Variants in PCDHB13 observed in about 807,000 individuals in gnomAD.
The protein encoded by PCDHB13 is protocadherin beta-13.
For missense variants in PCDHB13, 1,065 were observed against 1,016.7 expected, an observed-to-expected ratio of 1.05 and a Z score of -0.65; for synonymous variants, 515 against 450.7, an observed-to-expected ratio of 1.14 and a Z score of -1.81.
Position 141,216,723 on chromosome 5 carries a change from G to T in PCDHB13, c.*203G>T. 1.5e-6 allele frequency: 1 copy of T among 676,614 alleles called. No individual in the cohort carries two copies. The allele number at this position is 676,614 out of a possible 1,614,324, so 41.9% of individuals were successfully genotyped here. A position where few individuals can be genotyped will look rare whatever the true frequency, so the allele number is the denominator to read the frequency against. Reference sequence around the variant, plus strand: ...TGACAATTCATTCTTTAACCCAGATGGTCTTAATTTGTAATTAATTTGCCT... The same window carrying T: ...TGACAATTCATTCTTTAACCCAGATTGTCTTAATTTGTAATTAATTTGCCT... On this transcript the variant is annotated 3_prime_UTR_variant, in exon 1 of 1. Coordinates refer to ENST00000341948, the MANE Select transcript of PCDHB13 (RefSeq NM_018933.4).
Position 141,216,898 on chromosome 5 carries a change from G to T in PCDHB13, c.*378G>T. The T allele has an allele frequency of 1.3e-5, 4 of 314,962 alleles. No individual in the cohort carries two copies. The highest frequency in any genetic ancestry group is 2.3e-5 in the African/African-American group (1 of 43,972). 19.5% of individuals were successfully genotyped at this position (314,962 alleles called of 1,614,324 possible). A position where few individuals can be genotyped will look rare whatever the true frequency, so the allele number is the denominator to read the frequency against. ...TTCTTCATTTGATTCTCTTTTTTTAGTCTTAAAATAATGACTCCTATTCAG... is the reference window on the plus strand; with the variant it reads ...TTCTTCATTTGATTCTCTTTTTTTATTCTTAAAATAATGACTCCTATTCAG... On this transcript the variant is annotated 3_prime_UTR_variant, in exon 1 of 1. Coordinates refer to ENST00000341948, the MANE Select transcript of PCDHB13 (RefSeq NM_018933.4).
rs782638665 is a variant in PCDHB13 at position 141,215,782 on chromosome 5, C to T, written c.1659C>T (p.Asp553=). ...CGCTGGTGCGCGTGGTGGTGCTGGA[C>T]GCCAACGACAACTCGCCCTTCGTGC... ...SEALVRVVVL[D]ANDNSPFVLY... The change falls in exon 1 of 1, where the codon GAC becomes GAT. Residue 553 remains aspartate (D), a synonymous_variant. Coordinates refer to ENST00000341948, the MANE Select transcript of PCDHB13 (RefSeq NM_018933.4). 1.9e-6 allele frequency: 3 copies of T among 1,611,744 alleles called. No homozygotes were observed. Among genetic ancestry groups the T allele is most frequent in the Non-Finnish European group, 2.5e-6 (3 of 1,179,710 alleles).
In PCDHB13 at chr5:141,215,638, C is replaced by A; in HGVS notation, c.1515C>A (p.Ser505=). Residue 505 remains serine, a synonymous_variant, in exon 1 of 1, where the codon TCC becomes TCA. Coordinates refer to ENST00000341948, the MANE Select transcript of PCDHB13 (RefSeq NM_018933.4). ...ACCTGCCCCTCACATCCCTGGTCTC[C>A]ATCAACGCGGACAACGGCCACCTGT... ...DPHLPLTSLV[S]INADNGHLFA... 1.2e-6 allele frequency: 2 copies of A among 1,613,482 alleles called. No homozygotes were observed. Among genetic ancestry groups the A allele is most frequent in the South Asian group, 2.2e-5 (2 of 91,036 alleles).
At position 141,214,765 on chromosome 5, in the gene PCDHB13, A is replaced by C; in HGVS notation, c.642A>C (p.Thr214=). ...AAGCTGAGCTCAGGTTAACACTCAC[A>C]GCACTGGATGGTGGCTCTCCGCCCA... is the stretch of plus-strand genomic sequence containing the variant. ...EEEAELRLTL[T]ALDGGSPPRS... is the part of the protein sequence containing the mutation. The change falls in exon 1 of 1, where the codon ACA becomes ACC. Residue 214 remains threonine (T), a synonymous_variant. Coordinates refer to ENST00000341948, the MANE Select transcript of PCDHB13 (RefSeq NM_018933.4). 2 of 1,614,172 alleles carry C rather than the reference A, an allele frequency of 1.2e-6. No individual in the cohort carries two copies. Among genetic ancestry groups the C allele is most frequent in the Non-Finnish European group, 1.7e-6 (2 of 1,180,010 alleles).
rs782706531 is a variant in PCDHB13 at position 141,215,496 on chromosome 5, T to C, written c.1373T>C (p.Leu458Pro). ...GCCTTCACCCAAACCTCCTACACCC[T>C]GTTCGTCCGCGAGAACAACAGCCCC... ...APAFTQTSYTLFVRENNSPAL... is the reference protein window; with the variant it reads ...APAFTQTSYTPFVRENNSPAL... Residue 458 changes from leucine (L) to proline (P), a missense_variant, in exon 1 of 1, where the codon CTG becomes CCG. Coordinates refer to ENST00000341948, the MANE Select transcript of PCDHB13 (RefSeq NM_018933.4). 1.8e-5 allele frequency: 29 copies of C among 1,614,062 alleles called. No individual in the cohort carries two copies. Among genetic ancestry groups the C allele is most frequent in the Admixed American group, 3.3e-5 (2 of 60,004 alleles).
rs1754582056 is a variant in PCDHB13 at position 141,215,666 on chromosome 5, G to A, written c.1543G>A (p.Ala515Thr). 1.9e-6 allele frequency: 3 copies of A among 1,613,318 alleles called. No homozygotes were observed. The highest frequency in any genetic ancestry group is 1.1e-5 in the South Asian group (1 of 91,030). Residue 515 changes from alanine (A) to threonine (T), a missense_variant, in exon 1 of 1, where the codon GCC (alanine) becomes ACC (threonine). Physicochemically the swap from Ala to Thr is moderately conservative, Grantham distance 58 (BLOSUM62 0). Transcript: ENST00000341948. ...CAACGCGGACAACGGCCACCTGTTC[G>A]CCCTCAGGTCTCTGGACTACGAGGC... The part of the protein sequence containing the change: ...SINADNGHLF[A>T]LRSLDYEALQ...
At position 141,215,408 on chromosome 5, in the gene PCDHB13, C is replaced by A; in HGVS notation, c.1285C>A (p.Pro429Thr). 6.2e-7 allele frequency: 1 copy of A among 1,614,162 alleles called. No individual in the cohort carries two copies. Among genetic ancestry groups the A allele is most frequent in the Non-Finnish European group, 8.5e-7 (1 of 1,180,026 alleles). The stretch of plus-strand genomic sequence containing the variant: ...TATCACTGTCACTGACTTGGGGACC[C>A]CTATGCTGATAACACAGCTCAATAT... The part of the protein sequence containing the change: ...ITITVTDLGT[P>T]MLITQLNMTV... The change falls in exon 1 of 1, where the codon CCT (proline) becomes ACT (threonine). Residue 429 changes from proline to threonine, a missense_variant. Transcript: ENST00000341948.
Position 141,215,434 on chromosome 5 carries a change from G to C in PCDHB13, c.1311G>C (p.Met437Ile). ...CTATGCTGATAACACAGCTCAATAT[G>C]ACCGTGCTGATCGCCGATGTCAATG... ...GTPMLITQLN[M>I]TVLIADVNDN... is the part of the protein sequence containing the mutation. Residue 437 changes from methionine to isoleucine, a missense_variant, in exon 1 of 1, where the codon ATG (methionine) becomes ATC (isoleucine). Met to Ile is a conservative substitution (Grantham distance 10, BLOSUM62 1). Transcript: ENST00000341948. 1 of 1,614,122 alleles carries C rather than the reference G, an allele frequency of 6.2e-7. No homozygotes were observed. The highest frequency in any genetic ancestry group is 8.5e-7 in the Non-Finnish European group (1 of 1,180,032).
Position 141,215,415 on chromosome 5 carries a change from T to C in PCDHB13, c.1292T>C (p.Leu431Pro). The C allele has an allele frequency of 6.2e-7, 1 of 1,614,180 alleles. No homozygotes were observed. The highest frequency in any genetic ancestry group is 1.6e-4 in the Middle Eastern group (1 of 6,062). ...GTCACTGACTTGGGGACCCCTATGC[T>C]GATAACACAGCTCAATATGACCGTG... ...ITVTDLGTPMLITQLNMTVLI... is the reference protein window; with the variant it reads ...ITVTDLGTPMPITQLNMTVLI... Residue 431 changes from leucine (L) to proline (P), a missense_variant, in exon 1 of 1, where the codon CTG (leucine) becomes CCG (proline). Leu to Pro is a moderately conservative substitution (Grantham distance 98, BLOSUM62 -3). Coordinates refer to ENST00000341948, the MANE Select transcript of PCDHB13 (RefSeq NM_018933.4).
Position 141,217,031 on chromosome 5 carries a change from C to T in PCDHB13, c.*511C>T, listed in dbSNP as rs138055555. On this transcript the variant is annotated 3_prime_UTR_variant, in exon 1 of 1. Transcript: ENST00000341948. The stretch of plus-strand genomic sequence containing the variant: ...AAAACCTATATCCTATGATACAACT[C>T]TAAGTGTTATCACTTGATTCGAAAG... 1.6e-4 allele frequency: 34 copies of T among 210,126 alleles called. No homozygotes were observed. The East Asian group carries it at 5.7e-3, about 35-fold the overall frequency. 13.0% of individuals were successfully genotyped at this position (210,126 alleles called of 1,614,324 possible). A position where few individuals can be genotyped will look rare whatever the true frequency, so the allele number is the denominator to read the frequency against.
chr5:141,214,919 T>C lies in PCDHB13; in HGVS notation c.796T>C (p.Ser266Pro). ...SPVGFLVVKVSATDVDTGVNG... is the reference protein window; with the variant it reads ...SPVGFLVVKVPATDVDTGVNG... The stretch of plus-strand genomic sequence containing the variant: ...GGTAGGCTTCCTGGTTGTGAAGGTC[T>C]CTGCCACGGATGTAGACACAGGAGT... Residue 266 changes from serine to proline, a missense_variant, in exon 1 of 1, where the codon TCT (serine) becomes CCT (proline). Physicochemically the swap from Ser to Pro is moderately conservative, Grantham distance 74. Transcript: ENST00000341948. 1.2e-6 allele frequency: 2 copies of C among 1,614,252 alleles called. No individual in the cohort carries two copies. The highest frequency in any genetic ancestry group is 1.7e-6 in the Non-Finnish European group (2 of 1,180,048).
rs782236372 is a variant in PCDHB13, at chr5:141,216,357, T to C, written c.2234T>C (p.Leu745Pro). Residue 745 changes from leucine to proline, a missense_variant, in exon 1 of 1, where the codon CTA becomes CCA. Coordinates refer to ENST00000341948, the MANE Select transcript of PCDHB13 (RefSeq NM_018933.4). The part of the protein sequence containing the change: ...HLVDMSGTRT[L>P]SQSYQYEVCL... ...GTGGACATGAGCGGCACCAGGACCC[T>C]ATCCCAGAGCTACCAGTATGAGGTG... 1 of 1,614,170 alleles carries C rather than the reference T, an allele frequency of 6.2e-7. No individual in the cohort carries two copies. The highest frequency in any genetic ancestry group is 2.2e-5 in the East Asian group (1 of 44,874).
Position 141,216,770 on chromosome 5 carries a change from C to G in PCDHB13, c.*250C>G. The G allele has an allele frequency of 1.8e-6, 1 of 549,770 alleles. No homozygotes were observed. The highest frequency in any genetic ancestry group is 3.3e-6 in the Non-Finnish European group (1 of 298,568). The allele number at this position is 549,770 out of a possible 1,614,324, so 34.1% of individuals were successfully genotyped here. A position where few individuals can be genotyped will look rare whatever the true frequency, so the allele number is the denominator to read the frequency against. On this transcript the variant is annotated 3_prime_UTR_variant, in exon 1 of 1. Transcript: ENST00000341948. ...GCCTCCCTAAAGAGCAATACCAAATCACATTTTTTTCATGCCCCTATCTTT... is the reference window on the plus strand; with the variant it reads ...GCCTCCCTAAAGAGCAATACCAAATGACATTTTTTTCATGCCCCTATCTTT...
chr5:141,216,598 G>C lies in PCDHB13; in HGVS notation c.*78G>C, dbSNP rs114487750. 9.6e-4 allele frequency: 1,137 copies of C among 1,186,374 alleles called. 5 individuals carry two copies. In the African/African-American group the frequency reaches 0.015, roughly 16 times the overall value. 73.5% of individuals were successfully genotyped at this position (1,186,374 alleles called of 1,614,324 possible). On this transcript the variant is annotated 3_prime_UTR_variant, in exon 1 of 1. Transcript: ENST00000341948. Reference sequence around the variant, plus strand: ...CCAATGTTTATTTCCCCCAATTTGTGTGTATGTAATATTGTACGGATTTAC... The same window carrying C: ...CCAATGTTTATTTCCCCCAATTTGTCTGTATGTAATATTGTACGGATTTAC...
chr5:141,216,448 TCC>T lies in PCDHB13; in HGVS notation c.2328_2329del (p.Gln777ValfsTer15), dbSNP rs1554288209. ...TGAAGCCGATTATCCCCAACTTCCC[TCC>T]CCAGTGCCCTGGGAAAGAAATACAA... ...FLKPIIPNFP[P>X]QCPGKEIQGN... On this transcript the variant is annotated frameshift_variant, in exon 1 of 1. Transcript: ENST00000341948. LOFTEE classifies it low-confidence loss of function (END_TRUNC). 1 of 1,613,958 alleles carries T rather than the reference TCC, an allele frequency of 6.2e-7. No individual in the cohort carries two copies. The highest frequency in any genetic ancestry group is 8.5e-7 in the Non-Finnish European group (1 of 1,179,998).
At position 141,215,432 on chromosome 5, in the gene PCDHB13, A is replaced by G. The variant is rs376494523; in HGVS notation, c.1309A>G (p.Met437Val). Residue 437 changes from methionine (M) to valine (V), a missense_variant, in exon 1 of 1, where the codon ATG becomes GTG. Physicochemically the swap from Met to Val is conservative, Grantham distance 21. Transcript: ENST00000341948. ...CCCTATGCTGATAACACAGCTCAAT[A>G]TGACCGTGCTGATCGCCGATGTCAA... ...GTPMLITQLN[M>V]TVLIADVNDN... 1.9e-6 allele frequency: 3 copies of G among 1,614,128 alleles called. No homozygotes were observed. The highest frequency in any genetic ancestry group is 3.3e-5 in the Admixed American group (2 of 60,020).
chr5:141,216,143 C>A lies in PCDHB13; in HGVS notation c.2020C>A (p.Pro674Thr), dbSNP rs782386615. ...DGFSQPYLPL[P>T]EAAPTQAQAD... The stretch of plus-strand genomic sequence containing the variant: ...CTTCTCCCAGCCCTACCTGCCTCTC[C>A]CGGAGGCGGCCCCGACCCAGGCCCA... The change falls in exon 1 of 1, where the codon CCG (proline) becomes ACG (threonine). Residue 674 changes from proline to threonine, a missense_variant. Pro to Thr is a conservative substitution (Grantham distance 38). Transcript: ENST00000341948. 2.5e-6 allele frequency: 4 copies of A among 1,611,090 alleles called. 1 individual carries two copies. In the South Asian group the frequency reaches 4.4e-5, roughly 18 times the overall value.
rs370995427 is a variant in PCDHB13, at chr5:141,215,022, G to A, written c.899G>A (p.Gly300Glu). 2.6e-5 allele frequency: 42 copies of A among 1,613,920 alleles called. No homozygotes were observed. The African/African-American group carries it at 4.8e-4, about 18-fold the overall frequency. ...ACCTTTAAGATCAATCCCTTGACAG[G>A]AGAAATTGAACTAAAAAAACAACTC... ...GKTFKINPLT[G>E]EIELKKQLDF... Residue 300 changes from glycine (G) to glutamate (E), a missense_variant, in exon 1 of 1, where the codon GGA becomes GAA. Transcript: ENST00000341948.
At position 141,215,645 on chromosome 5, in the gene PCDHB13, G is replaced by C; in HGVS notation, c.1522G>C (p.Ala508Pro). 6.2e-7 allele frequency: 1 copy of C among 1,613,398 alleles called. No individual in the cohort carries two copies. Residue 508 changes from alanine (A) to proline (P), a missense_variant, in exon 1 of 1, where the codon GCG (alanine) becomes CCG (proline). Ala to Pro is a conservative substitution (Grantham distance 27). Coordinates refer to ENST00000341948, the MANE Select transcript of PCDHB13 (RefSeq NM_018933.4). ...CCTCACATCCCTGGTCTCCATCAAC[G>C]CGGACAACGGCCACCTGTTCGCCCT... is the stretch of plus-strand genomic sequence containing the variant. ...LPLTSLVSINADNGHLFALRS... is the reference protein window; with the variant it reads ...LPLTSLVSINPDNGHLFALRS...
Sources: gnomAD v4.1 joint callset for allele counts on GRCh38, gnomAD v4.1.1 for gene constraint, MANE v1.5 for transcripts, NCBI Gene and HGNC (gene_info 2026-07-23, HGNC 2026-07-21) for gene names.